APBA1: variants seen among roughly 807,000 people sequenced by gnomAD.
APBA1 encodes the protein amyloid-beta A4 precursor protein-binding family A member 1.
APBA1 carries 55 observed loss-of-function variants against 86.6 expected under a neutral mutation model. The observed-to-expected ratio is 0.64, with a 90% CI of 0.51 to 0.80. The LOEUF (loss-of-function observed/expected upper bound fraction) is 0.80, where lower values mean the gene tolerates loss of function less well. Among genes scored for constraint, APBA1 ranks in the 30% least tolerant of loss-of-function variants. The pLI is 0.00. For missense variants in APBA1, 1,090 were observed against 1,183.0 expected, an observed-to-expected ratio of 0.92 and a Z score of 1.15; for synonymous variants, 511 against 493.9, an observed-to-expected ratio of 1.03 and a Z score of -0.46.
At chr9:69,588,777 T>C (rs1275750085) in intron 1 of APBA1, among the ~76,000 whole-genome samples, 1 of 152,198 alleles carries the variant, frequency 6.6e-6, no homozygotes, top group Non-Finnish European at 1.5e-5. Flanking sequence ...GATTATCTCA[T>C]TTAATCTCAC....
chr9:69,440,760 G>T lies in APBA1; in HGVS notation c.2301+236C>A, dbSNP rs115700591. On this transcript the variant is annotated intron_variant, in intron 11 of 12. Transcript: ENST00000265381. Reference sequence around the variant, plus strand: ...TGAGGCGATGCCTTGTCCTGCTTCAGCTCTTGCACAGTGCGCTGCACCCAC... The same window carrying T: ...TGAGGCGATGCCTTGTCCTGCTTCATCTCTTGCACAGTGCGCTGCACCCAC... Among the ~76,000 whole-genome samples, 729 of 152,204 alleles carry T rather than the reference G, an allele frequency of 4.8e-3. 4 individuals carry two copies. The highest frequency in any genetic ancestry group is 0.016 in the African/African-American group (669 of 41,516).
chr9:69,587,203 T>C (rs1822038425), intron 1 of APBA1, among the ~76,000 whole-genome samples: 2 of 152,232 alleles, frequency 1.3e-5, no homozygotes, highest in African/African-American at 4.8e-5. Flanking sequence ...AATTCAGTGA[T>C]GGAGAACACA....
At chr9:69,615,993 A>T (rs1822691017) in intron 1 of APBA1, among the ~76,000 whole-genome samples, 1 of 152,200 alleles carries the variant, frequency 6.6e-6, no homozygotes, top group African/African-American at 2.4e-5. Context: ...TCAGAACAAG[A>T]CCCAATATAA....
Position 69,625,866 on chromosome 9 carries a change from C to T in APBA1, c.-70+46287G>A, listed in dbSNP as rs11139526. On this transcript the variant is annotated intron_variant, in intron 1 of 12. Transcript: ENST00000265381. ...CTTGAGTTCATCACTGCCTAAATTACTCTCTGTTAATAAATTCAGCAGATT... is the reference window on the plus strand; with the variant it reads ...CTTGAGTTCATCACTGCCTAAATTATTCTCTGTTAATAAATTCAGCAGATT... Among the ~76,000 whole-genome samples, 1,040 of 152,236 alleles carry T rather than the reference C, an allele frequency of 6.8e-3. 15 individuals are homozygous for T. Among genetic ancestry groups the T allele is most frequent in the African/African-American group, 0.024 (983 of 41,540 alleles).
chr9:69,657,971 C>T (rs1225481397), intron 1 of APBA1, among the ~76,000 whole-genome samples: 1 of 152,066 alleles, frequency 6.6e-6, no homozygotes, highest in Non-Finnish European at 1.5e-5. Flanking sequence ...AACTGTAGAA[C>T]CCCAGGGATG....
At chr9:69,467,670 T>C (rs1264535507) in intron 5 of APBA1, among the ~76,000 whole-genome samples, 153 bp downstream of exon 5, 1 of 152,192 alleles carries the variant, frequency 6.6e-6, no homozygotes, top group Non-Finnish European at 1.5e-5. Flanking sequence ...AAATTTTTGT[T>C]TTGTTAGCAG....
chr9:69,444,669 A>G (rs951672938), intron 10 of APBA1, among the ~76,000 whole-genome samples: 3 of 152,216 alleles, frequency 2.0e-5, no homozygotes, highest in Non-Finnish European at 4.4e-5. Flanking sequence ...CCTAAAATTT[A>G]AAGTGGGCTT....
Position 69,522,925 on chromosome 9 carries a change from C to T in APBA1, c.-69-5646G>A, listed in dbSNP as rs77371619. 4.9e-3 allele frequency among the ~76,000 whole-genome samples: 742 copies of T among 152,242 alleles called. 9 individuals carry two copies. The highest frequency in any genetic ancestry group is 0.015 in the African/African-American group (627 of 41,552). Reference sequence around the variant, plus strand: ...CTGGAAGACACATGCAGAATAGTCCCCTCCTCAGGGACACCTGCAAAACAT... The same window carrying T: ...CTGGAAGACACATGCAGAATAGTCCTCTCCTCAGGGACACCTGCAAAACAT... On this transcript the variant is annotated intron_variant, in intron 1 of 12. Transcript: ENST00000265381.
intron 1 of APBA1, among the ~76,000 whole-genome samples, chr9:69,620,002 T>C (rs1230107296): frequency 1.3e-5 from 2 of 152,144 alleles, no homozygotes; most frequent in Non-Finnish European, 2.9e-5. Flanking sequence ...AACAAAAGAT[T>C]CCCAATACCC....
At chr9:69,462,132 T>C (rs1835201417) in intron 5 of APBA1, 1 of 152,216 alleles carries the variant, frequency 6.6e-6, no homozygotes, top group African/African-American at 2.4e-5. Flanking sequence ...CCATTTGTAA[T>C]CTAATCTAAT....
At chr9:69,453,026 G>A (rs7869375) in intron 8 of APBA1, among the ~76,000 whole-genome samples, 60,935 of 152,064 alleles carry the variant, frequency 0.4, 12,565 homozygotes, top group East Asian at 0.5. Flanking sequence ...CTACATCCAA[G>A]CTTAATCAAG....
Position 69,523,135 on chromosome 9 carries a change from A to G in APBA1, c.-69-5856T>C, listed in dbSNP as rs1434263773. ...GAAATAGAATAGTTCATGATTCAGCAGTTGAATCCAGGTATCTCATAATGT... is the reference window on the plus strand; with the variant it reads ...GAAATAGAATAGTTCATGATTCAGCGGTTGAATCCAGGTATCTCATAATGT... On this transcript the variant is annotated intron_variant, in intron 1 of 12. Transcript: ENST00000265381. Among the ~76,000 whole-genome samples, 8 of 152,160 alleles carry G rather than the reference A, an allele frequency of 5.3e-5. No individual in the cohort carries two copies. The East Asian group carries it at 1.5e-3, about 29-fold the overall frequency.
chr9:69,559,885 A>C (rs1052643242), intron 1 of APBA1, among the ~76,000 whole-genome samples: 1 of 152,214 alleles, frequency 6.6e-6, no homozygotes, highest in Non-Finnish European at 1.5e-5. Context: ...GTGCTTCATC[A>C]ATCCAACATA....
intron 1 of APBA1, among the ~76,000 whole-genome samples, chr9:69,662,511 C>T (rs1823772342): frequency 6.6e-6 from 1 of 152,080 alleles, no homozygotes; most frequent in South Asian, 2.1e-4. Context: ...TGACCTAATA[C>T]TATGGAAACA....
At position 69,516,272 on chromosome 9, in the gene APBA1, G is replaced by T. The variant is rs1327598965; in HGVS notation, c.939C>A (p.Ser313Arg). ...GCCCCGCCGGCGCCTGCAGCCCGGG[G>T]CTGTCGGGGCGACCCCCGGCCGGGG... ...PPTPAGGRPD[S>R]PGLQAPAGQQ... The change falls in exon 2 of 13, where the codon AGC (serine) becomes AGA (arginine). Residue 313 changes from serine to arginine, a missense_variant. By Grantham distance (110) the Ser-to-Arg change is moderately radical. Transcript: ENST00000265381. The surrounding 1 kb of genome is among the most constrained non-coding windows in gnomAD (Gnocchi z 7.3). 6.9e-7 allele frequency: 1 copy of T among 1,450,812 alleles called. No homozygotes were observed. Among genetic ancestry groups the T allele is most frequent in the Admixed American group, 2.6e-5 (1 of 37,848 alleles). 89.9% of individuals were successfully genotyped at this position (1,450,812 alleles called of 1,614,324 possible).
chr9:69,463,526 T>A (rs1352375941), intron 5 of APBA1: 2 of 152,214 alleles, frequency 1.3e-5, no homozygotes, highest in Non-Finnish European at 2.9e-5. Context: ...CAGTTGGTAC[T>A]ACATGAGTGG....
chr9:69,557,141 T>C (rs1836875686), intron 1 of APBA1, among the ~76,000 whole-genome samples: 1 of 152,138 alleles, frequency 6.6e-6, no homozygotes, highest in African/African-American at 2.4e-5. Context: ...TCATAAAACA[T>C]GGACAAAGGA....
At chr9:69,483,796 C>T (rs1835562752) in intron 2 of APBA1, among the ~76,000 whole-genome samples, 1 of 152,054 alleles carries the variant, frequency 6.6e-6, no homozygotes, top group African/African-American at 2.4e-5. Flanking sequence ...AGGGCAGGCC[C>T]AGGGTAACAG....
chr9:69,452,704 C>T (rs1329536715), intron 8 of APBA1, among the ~76,000 whole-genome samples: 1 of 152,228 alleles, frequency 6.6e-6, no homozygotes, highest in Non-Finnish European at 1.5e-5. Flanking sequence ...CCAATTTATA[C>T]ATAAACACAA....
Sources: gnomAD v4.1 joint callset for allele counts (sites outside exome capture counted in the v4.1 genomes callset) on GRCh38, gnomAD v4.1.1 for gene constraint, Gnocchi (gnomAD v3.1) non-coding constraint, MANE v1.5 for transcripts, NCBI Gene and HGNC (gene_info 2026-07-23, HGNC 2026-07-21) for gene names.